Variants in P2RY12 observed in about 807,000 individuals in gnomAD.
The protein encoded by P2RY12 is purinergic receptor P2Y12.
In P2RY12, 3 loss-of-function variants were observed where a neutral mutation model predicts 4.5. The observed-to-expected ratio is 0.67, with a 90% CI of 0.31 to 1.74. The LOEUF (loss-of-function observed/expected upper bound fraction) is 1.74, where lower values mean the gene tolerates loss of function less well. P2RY12 is among the 40% of genes most tolerant of loss of function. P2RY12 has a pLI of 0.09. For synonymous variants in P2RY12, 148 were observed against 154.1 expected (o/e 0.96, Z 0.29); for missense variants, 356 against 407.8 (o/e 0.87, Z 1.09).
At chr3:151,348,922 T>G (rs1208019087) in intron 1 of P2RY12, among the ~76,000 whole-genome samples, 1 of 152,244 alleles carries the variant, frequency 6.6e-6, no homozygotes, top group Admixed American at 6.5e-5. Context: ...CACTGCTAAT[T>G]AGGAACACAG....
intron 1 of P2RY12, among the ~76,000 whole-genome samples, chr3:151,366,652 C>T (rs576975393): frequency 2.6e-5 from 4 of 152,110 alleles, no homozygotes; most frequent in Non-Finnish European, 4.4e-5. Context: ...ATCTCTTATG[C>T]ATAGTTCTTT....
At chr3:151,379,218 G>T (rs192688972) in intron 1 of P2RY12, among the ~76,000 whole-genome samples, 1 of 152,190 alleles carries the variant, frequency 6.6e-6, no homozygotes, top group African/African-American at 2.4e-5. Flanking sequence ...TTGCTGATAG[G>T]TGAGTGTATG....
At chr3:151,346,190 G>A (rs567626089) in intron 1 of P2RY12, among the ~76,000 whole-genome samples, 190 of 151,956 alleles carry the variant, frequency 1.3e-3, no homozygotes, top group Non-Finnish European at 1.9e-3. Context: ...TTTTTTTCCC[G>A]ATGGTCAAGT....
intron 1 of P2RY12, among the ~76,000 whole-genome samples, chr3:151,344,250 GCCT>G (rs1752259253): frequency 6.6e-6 from 1 of 151,454 alleles, no homozygotes; most frequent in Non-Finnish European, 1.5e-5. Context: ...AGTTAAATCC[GCCT>G]CCTATTTTCT....
chr3:151,382,977 T>C (rs1177843320), intron 1 of P2RY12, among the ~76,000 whole-genome samples: 1 of 152,188 alleles, frequency 6.6e-6, no homozygotes, highest in African/African-American at 2.4e-5. Flanking sequence ...AGATTTGCCT[T>C]CTCTACCTCT....
At position 151,338,497 on chromosome 3, in the gene P2RY12, G is replaced by A. The variant is rs756504008; in HGVS notation, c.349C>T (p.Leu117=). The A allele has an allele frequency of 1.9e-6, 3 of 1,613,884 alleles. 1 individual carries two copies. The highest frequency in any genetic ancestry group is 2.5e-6 in the Non-Finnish European group (3 of 1,179,970). ...TMYISISFLG[L]ITIDRYQKTT... ...TTCTGGTAGCGATCGATAGTTATCA[G>A]TCCCAGGAATGAAATACTGATATAC... is the stretch of plus-strand genomic sequence containing the variant. The change falls in exon 3 of 3, where the codon CTG becomes TTG. Residue 117 remains leucine, a synonymous_variant. Coordinates refer to ENST00000302632, the MANE Select transcript of P2RY12 (RefSeq NM_022788.5).
chr3:151,341,402 A>ATT (rs574808205), intron 1 of P2RY12, among the ~76,000 whole-genome samples: 1 of 151,098 alleles, frequency 6.6e-6, no homozygotes, highest in African/African-American at 2.4e-5. Context: ...AATATAAACA[A>ATT]TTTTTTTTTG....
At chr3:151,355,777 CTTTCGTCAAAGTAGAATCATGTATAGA>C in intron 1 of P2RY12, 1 of 799,184 alleles carries the variant, frequency 1.3e-6, no homozygotes, top group South Asian at 2.5e-5. Flanking sequence ...CACGTTTTGA[CTTTCGTCAAAGTAGAATCATGTATAGA>C]TTCAACTGTC....
chr3:151,355,070 C>G (rs367858892), intron 1 of P2RY12: 101 of 1,348,404 alleles, frequency 7.5e-5, no homozygotes, highest in Non-Finnish European at 9.9e-5. Flanking sequence ...TTAAAAATGT[C>G]GAGAGCTTCT....
At chr3:151,380,030 G>A (rs1342499828) in intron 1 of P2RY12, 3 of 838,262 alleles carry the variant, frequency 3.6e-6, no homozygotes, top group African/African-American at 1.8e-5. Context: ...TTATCTAATA[G>A]TGAGGCAAAG....
At chr3:151,377,472 T>A (rs769389781) in intron 1 of P2RY12, among the ~76,000 whole-genome samples, 3 of 152,196 alleles carry the variant, frequency 2.0e-5, no homozygotes, top group African/African-American at 7.2e-5. Flanking sequence ...TGGGAAACGC[T>A]TTTTCCACCA....
chr3:151,344,047 C>T (rs970271920), intron 1 of P2RY12, among the ~76,000 whole-genome samples: 1 of 151,982 alleles, frequency 6.6e-6, no homozygotes, highest in African/African-American at 2.4e-5. Context: ...GGTTAGATAC[C>T]AACAGGTTCC....
At chr3:151,373,815 C>T (rs1265962023) in intron 1 of P2RY12, among the ~76,000 whole-genome samples, 6 of 152,072 alleles carry the variant, frequency 3.9e-5, no homozygotes, top group Admixed American at 1.3e-4. Flanking sequence ...TTCTCTGCCC[C>T]GGGCCTGGAA....
At chr3:151,360,614 A>C in intron 1 of P2RY12, 1 of 1,606,876 alleles carries the variant, frequency 6.2e-7, no homozygotes, top group African/African-American at 1.3e-5. Context: ...AGGTGAGTAG[A>C]AGAGACTCAA....
intron 1 of P2RY12, among the ~76,000 whole-genome samples, chr3:151,373,916 T>C (rs1412268074): frequency 6.6e-6 from 1 of 152,196 alleles, no homozygotes; most frequent in African/African-American, 2.4e-5. Flanking sequence ...CTCATGGTTA[T>C]GGAGTATCAT....
At chr3:151,378,011 G>C (rs189467810) in intron 1 of P2RY12, 1 of 1,592,090 alleles carries the variant, frequency 6.3e-7, no homozygotes, top group South Asian at 1.1e-5. Context: ...TCTGATTTTA[G>C]TTCCTCCGAA....
chr3:151,362,633 T>C (rs1363466165), intron 1 of P2RY12, among the ~76,000 whole-genome samples: 2 of 152,142 alleles, frequency 1.3e-5, no homozygotes, highest in Non-Finnish European at 2.9e-5. Context: ...GAATGTATGC[T>C]TCATGACAGC....
At chr3:151,367,394 T>G (rs972658360) in intron 1 of P2RY12, among the ~76,000 whole-genome samples, 6 of 152,226 alleles carry the variant, frequency 3.9e-5, no homozygotes, top group African/African-American at 1.2e-4. Context: ...GTTGTGTTTT[T>G]CATTTGCATG....
At chr3:151,366,085 C>A in intron 1 of P2RY12, 1 of 1,061,038 alleles carries the variant, frequency 9.4e-7, no homozygotes, top group South Asian at 2.6e-5. Context: ...TTAATTGATT[C>A]AACTGAAATG....
Sources: gnomAD v4.1 joint callset for allele counts (sites outside exome capture counted in the v4.1 genomes callset) on GRCh38, gnomAD v4.1.1 for gene constraint, MANE v1.5 for transcripts, NCBI Gene and HGNC (gene_info 2026-07-23, HGNC 2026-07-21) for gene names.